The following NKIRAS1 variants were observed in gnomAD, a reference collection of about 807,000 sequenced individuals.
The protein encoded by NKIRAS1 is NF-kappa-B inhibitor-interacting Ras-like protein 1.
A neutral mutation model predicts 19.8 loss-of-function variants in NKIRAS1; 16 were observed. That is an observed-to-expected ratio of 0.81 (90% CI 0.55 to 1.23). NKIRAS1 has a LOEUF of 1.23. Among genes scored for constraint, NKIRAS1 ranks in the 50% most tolerant of loss-of-function variants. The probability of loss-of-function intolerance (pLI) is 0.00; values close to 1 mark genes in which losing one functional copy is unlikely to be tolerated. For synonymous variants in NKIRAS1, 88 were observed against 79.0 expected (o/e 1.11, Z -0.61); for missense variants, 184 against 220.0 (o/e 0.84, Z 1.04).
intron 3 of NKIRAS1, among the ~76,000 whole-genome samples, chr3:23,903,991 C>T (rs1488498217): frequency 2.6e-5 from 4 of 152,046 alleles, no homozygotes; most frequent in Non-Finnish European, 5.9e-5. Context: ...ATGGTGAAAC[C>T]CCATCTCTAC....
At chr3:23,907,548 T>G (rs538684212) in intron 3 of NKIRAS1, among the ~76,000 whole-genome samples, 1 of 152,204 alleles carries the variant, frequency 6.6e-6, no homozygotes, top group East Asian at 1.9e-4. Context: ...CCAAAGCCAT[T>G]TGCATTTTCC....
exon 1 of NKIRAS1, chr3:23,946,365 C>A: frequency 1.1e-6 from 1 of 918,976 alleles, no homozygotes; most frequent in Non-Finnish European, 1.3e-6. Flanking sequence ...GGGCGTGCTG[C>A]AGGCCGGAGG....
intron 3 of NKIRAS1, among the ~76,000 whole-genome samples, chr3:23,909,562 A>C (rs141318778): frequency 2.6e-5 from 4 of 152,222 alleles, no homozygotes; most frequent in African/African-American, 9.6e-5. Flanking sequence ...TACTTGCCAG[A>C]AAAAAATGCT....
chr3:23,918,205 T>C, upstream of NKIRAS1: 1 of 964,954 alleles, frequency 1.0e-6, no homozygotes, highest in Non-Finnish European at 1.5e-6. Context: ...GTGGCAAGTG[T>C]GTCAAAGGTT....
At chr3:23,913,712 C>G (rs757362119) in intron 1 of NKIRAS1, among the ~76,000 whole-genome samples, 1 of 152,156 alleles carries the variant, frequency 6.6e-6, no homozygotes, top group East Asian at 1.9e-4. Flanking sequence ...TTCCCAAACA[C>G]AATAAATGTA....
chr3:23,945,661 G>A, intron 1 of NKIRAS1: 1 of 1,077,036 alleles, frequency 9.3e-7, no homozygotes. Flanking sequence ...GGGGCACTTT[G>A]GGGGGCGGCG....
intron 1 of NKIRAS1, among the ~76,000 whole-genome samples, chr3:23,935,622 G>A (rs1705379198): frequency 6.6e-6 from 1 of 152,062 alleles, no homozygotes; most frequent in African/African-American, 2.4e-5. Context: ...ACGAGGTCTC[G>A]CTAATGTTAC....
At position 23,890,200 on chromosome 3, in the gene NKIRAS1, C is replaced by A. The variant is rs1198292451; in HGVS notation, c.*2895G>T. Among the ~76,000 whole-genome samples the A allele has an allele frequency of 6.6e-6, 1 of 152,150 alleles. No homozygotes were observed. The highest frequency in any genetic ancestry group is 2.4e-5 in the African/African-American group (1 of 41,408). On this transcript the variant is annotated 3_prime_UTR_variant, in exon 5 of 5. Coordinates refer to ENST00000425478, the MANE Select transcript of NKIRAS1 (RefSeq NM_020345.4). ...AGTCTGAAGCCTTGACCGTTCCAGT[C>A]TCTACTGAACTCAGCCTAACACATA...
upstream of NKIRAS1, chr3:23,920,816 GA>G: frequency 2.1e-6 from 2 of 940,458 alleles, no homozygotes; most frequent in Non-Finnish European, 1.3e-6. Context: ...TTGTTCAACT[GA>G]AGGAATAAAT....
chr3:23,915,244 G>A (rs1348506507), intron 1 of NKIRAS1, among the ~76,000 whole-genome samples: 1 of 152,160 alleles, frequency 6.6e-6, no homozygotes, highest in African/African-American at 2.4e-5. Flanking sequence ...TCCTTTGCTG[G>A]CTGTGAAGAT....
chr3:23,899,751 C>T (rs187085777), intron 4 of NKIRAS1, among the ~76,000 whole-genome samples: 163 of 152,328 alleles, frequency 1.1e-3, no homozygotes, highest in African/African-American at 3.4e-3. Flanking sequence ...CTTTACAGAC[C>T]ACTGTAAGGC....
intron 3 of NKIRAS1, among the ~76,000 whole-genome samples, chr3:23,903,969 A>G (rs997246426): frequency 1.3e-5 from 2 of 152,192 alleles, no homozygotes; most frequent in Non-Finnish European, 2.9e-5. Flanking sequence ...GTTCAAGACC[A>G]GCCTAGCCAA....
At position 23,922,294 on chromosome 3, in the gene NKIRAS1, T is replaced by G. The variant is rs1247805099; in HGVS notation, c.-139-10844A>C. 1 of 152,276 alleles carries G rather than the reference T, an allele frequency of 6.6e-6. No homozygotes were observed. The highest frequency in any genetic ancestry group is 1.9e-4 in the East Asian group (1 of 5,206). The allele number at this position is 152,276 out of a possible 1,614,324, so 9.4% of individuals were successfully genotyped here. ...ATCCCAAAAGGTGCAGTTACTAGTA[T>G]TAATCCTTTTTTGCCAATGAGGAAA... On this transcript the variant is annotated intron_variant, in intron 1 of 4. Transcript: ENST00000421515. This position sits in a 1 kb window ranked among gnomAD's most constrained non-coding sequence, Gnocchi z 4.2.
upstream of NKIRAS1, chr3:23,919,396 G>A: frequency 6.2e-7 from 1 of 1,603,224 alleles, no homozygotes; most frequent in Non-Finnish European, 8.5e-7. Context: ...CAGGCCGAAA[G>A]AGCCGTGGCC....
chr3:23,935,351 G>A (rs1219359145), intron 1 of NKIRAS1, among the ~76,000 whole-genome samples: 1 of 150,442 alleles, frequency 6.6e-6, no homozygotes, highest in Non-Finnish European at 1.5e-5. Context: ...ATGAAAGAAA[G>A]GTGTTAATGG....
chr3:23,945,808 T>TG, intron 1 of NKIRAS1, among the ~76,000 whole-genome samples: 1 of 149,924 alleles, frequency 6.7e-6, no homozygotes, highest in African/African-American at 2.4e-5. Flanking sequence ...CAGCGCGGCC[T>TG]GCCGGCGCCC....
chr3:23,945,444 C>T, intron 1 of NKIRAS1: 2 of 342,466 alleles, frequency 5.8e-6, no homozygotes, highest in Non-Finnish European at 8.6e-6. Context: ...CCGGGAGCCC[C>T]GCCCGCTCTG....
chr3:23,891,267 T>G lies in NKIRAS1; in HGVS notation c.*1828A>C, dbSNP rs2125338217. 1 of 152,388 alleles carries G rather than the reference T, an allele frequency of 6.6e-6. No individual in the cohort carries two copies. The highest frequency in any genetic ancestry group is 2.1e-4 in the South Asian group (1 of 4,828). 9.4% of individuals were successfully genotyped at this position (152,388 alleles called of 1,614,324 possible). A position where few individuals can be genotyped will look rare whatever the true frequency, so the allele number is the denominator to read the frequency against. On this transcript the variant is annotated 3_prime_UTR_variant, in exon 5 of 5. Coordinates refer to ENST00000425478, the MANE Select transcript of NKIRAS1 (RefSeq NM_020345.4). The stretch of plus-strand genomic sequence containing the variant: ...TTCTATGTTGTGGACTACTTAAGTC[T>G]GCATTTGTTACTGTGCTAATAAACA...
upstream of NKIRAS1, chr3:23,919,505 A>G: frequency 1.3e-6 from 2 of 1,558,020 alleles, no homozygotes; most frequent in Admixed American, 3.7e-5. Context: ...CCGCTAATAT[A>G]AGTAAAGTTT....
Sources: gnomAD v4.1 joint callset for allele counts (sites outside exome capture counted in the v4.1 genomes callset) on GRCh38, gnomAD v4.1.1 for gene constraint, Gnocchi (gnomAD v3.1) non-coding constraint, MANE v1.5 for transcripts, NCBI Gene and HGNC (gene_info 2026-07-23, HGNC 2026-07-21) for gene names.